AGMO: variants seen among roughly 807,000 people sequenced by gnomAD.
The protein encoded by AGMO is alkylglycerol monooxygenase.
Under a neutral mutation model 60.2 loss-of-function variants are expected in AGMO, and 75 were observed. That is an observed-to-expected ratio of 1.25 (90% confidence interval 1.03 to 1.51). The LOEUF is 1.51. Among genes scored for constraint, AGMO ranks in the 40% most tolerant of loss-of-function variants. AGMO has a pLI of 0.00. For missense variants in AGMO, 763 were observed against 525.5 expected (o/e 1.45, Z -4.42); for synonymous variants, 261 against 177.1 (o/e 1.47, Z -3.76).
chr7:15,464,658 T>G (rs1436341518), intron 3 of AGMO, among the ~76,000 whole-genome samples: 1 of 152,020 alleles, frequency 6.6e-6, no homozygotes, highest in Non-Finnish European at 1.5e-5. Context: ...TGAGGTGAGG[T>G]TAGAGGTTAT....
intron 12 of AGMO, among the ~76,000 whole-genome samples, chr7:15,341,942 T>A (rs1290115908): frequency 6.6e-6 from 1 of 151,754 alleles, no homozygotes; most frequent in Non-Finnish European, 1.5e-5. Context: ...CAATTATCTC[T>A]CACCGAGTCC....
chr7:15,212,208 T>C (rs73277605), intron 12 of AGMO, among the ~76,000 whole-genome samples: 83 of 151,292 alleles, frequency 5.5e-4, no homozygotes, highest in African/African-American at 1.8e-3. Flanking sequence ...AAATACATTA[T>C]TCTATCCATT....
At chr7:15,462,631 T>C (rs1022189364) in intron 3 of AGMO, among the ~76,000 whole-genome samples, 1 of 152,176 alleles carries the variant, frequency 6.6e-6, no homozygotes, top group Admixed American at 6.5e-5. Context: ...TCTATCTACA[T>C]TTCTGGTTCA....
intron 12 of AGMO, among the ~76,000 whole-genome samples, chr7:15,261,748 A>T (rs1177665612): frequency 1.3e-5 from 2 of 151,948 alleles, no homozygotes; most frequent in Non-Finnish European, 1.5e-5. Flanking sequence ...CGCAAAAATT[A>T]TCAACAAAAT....
chr7:15,280,929 C>T (rs1032223453), intron 12 of AGMO, among the ~76,000 whole-genome samples: 1 of 152,142 alleles, frequency 6.6e-6, no homozygotes, highest in African/African-American at 2.4e-5. Context: ...TGTTGGGATA[C>T]GTGAGGATAG....
At chr7:15,406,634 TGAATATACATATATATGTGTATATATATG>T (rs752392558) in intron 5 of AGMO, among the ~76,000 whole-genome samples, 3,844 of 56,732 alleles carry the variant, frequency 0.068, 647 homozygotes, top group African/African-American at 0.094. Context: ...TGTATATATA[TGAATATACATATATATGTGTATATATATG>T]GAATATACAT....
chr7:15,373,801 T>C (rs1034423472), intron 10 of AGMO, among the ~76,000 whole-genome samples: 1 of 152,236 alleles, frequency 6.6e-6, no homozygotes, highest in Non-Finnish European at 1.5e-5. Flanking sequence ...GATTTTCTTA[T>C]TAAAACAAGT....
the AGMO span, among the ~76,000 whole-genome samples, chr7:15,145,368 T>G: frequency 6.6e-6 from 1 of 152,256 alleles, no homozygotes; most frequent in Non-Finnish European, 1.5e-5. Flanking sequence ...TTAAAATAAA[T>G]GAAAATACTC....
At chr7:15,502,418 G>C (rs1783410606) in intron 3 of AGMO, among the ~76,000 whole-genome samples, 2 of 151,920 alleles carry the variant, frequency 1.3e-5, no homozygotes, top group Admixed American at 6.6e-5. Flanking sequence ...CTTGGAGAGA[G>C]AGACAATTTA....
At chr7:15,461,584 A>G (rs77479662) in intron 3 of AGMO, among the ~76,000 whole-genome samples, 7,231 of 152,212 alleles carry the variant, frequency 0.048, 227 homozygotes, top group African/African-American at 0.087. Flanking sequence ...GGTTCTCATT[A>G]GCATTTATCA....
At chr7:15,311,668 T>C (rs749865819) in intron 12 of AGMO, among the ~76,000 whole-genome samples, 5 of 152,124 alleles carry the variant, frequency 3.3e-5, no homozygotes, top group Non-Finnish European at 7.4e-5. Flanking sequence ...TAAACCGCTA[T>C]ATAAATTTTT....
chr7:15,466,448 T>G (rs984744884), intron 3 of AGMO, among the ~76,000 whole-genome samples: 5 of 152,186 alleles, frequency 3.3e-5, no homozygotes, highest in African/African-American at 9.7e-5. Context: ...TTACTGCTAT[T>G]AACACATCTA....
intron 12 of AGMO, among the ~76,000 whole-genome samples, chr7:15,256,532 T>C (rs1001241816): frequency 2.0e-5 from 3 of 151,936 alleles, no homozygotes; most frequent in African/African-American, 7.2e-5. Flanking sequence ...TAATTTTTTG[T>C]GTGTGTATTT....
chr7:15,302,290 G>A (rs1446284127), intron 12 of AGMO, among the ~76,000 whole-genome samples: 1 of 152,014 alleles, frequency 6.6e-6, no homozygotes, highest in Non-Finnish European at 1.5e-5. Flanking sequence ...GTCACATCAT[G>A]AGAAATTTGA....
At chr7:15,354,343 CGCGTGTATATAGACGTGTGTATATAG>C (rs1563104889) in intron 12 of AGMO, among the ~76,000 whole-genome samples, 14 of 86,964 alleles carry the variant, frequency 1.6e-4, no homozygotes, top group East Asian at 1.1e-3. Context: ...TGTATATACA[CGCGTGTATATAGACGTGTGTATATAG>C]ACGTGTGTAT....
intron 12 of AGMO, among the ~76,000 whole-genome samples, chr7:15,242,887 G>A (rs935391612): frequency 2.6e-5 from 4 of 152,036 alleles, no homozygotes; most frequent in Non-Finnish European, 4.4e-5. Flanking sequence ...GACATTAAGT[G>A]TATATAATGA....
intron 3 of AGMO, among the ~76,000 whole-genome samples, chr7:15,523,685 G>C (rs1290992160): frequency 6.6e-6 from 1 of 152,044 alleles, no homozygotes; most frequent in East Asian, 1.9e-4. Flanking sequence ...CCTGTCTGGT[G>C]GTGGAGTCAA....
chr7:15,147,559 CAAGAT>C, the AGMO span, among the ~76,000 whole-genome samples: 1 of 152,222 alleles, frequency 6.6e-6, no homozygotes, highest in South Asian at 2.1e-4. Context: ...AGCTACAATT[CAAGAT>C]GAGATTTGGG....
the AGMO span, among the ~76,000 whole-genome samples, chr7:15,171,509 A>G: frequency 6.6e-6 from 1 of 152,188 alleles, no homozygotes; most frequent in East Asian, 1.9e-4. Context: ...TGAGGAGTTA[A>G]GCTTTATCTC....
Sources: allele counts gnomAD v4.1 joint callset (sites outside exome capture counted in the v4.1 genomes callset), GRCh38; gene constraint gnomAD v4.1.1; transcripts MANE v1.5; gene names NCBI Gene and HGNC (gene_info 2026-07-23, HGNC 2026-07-21).